Variants in ACAP1 observed in about 807,000 individuals in gnomAD.
ACAP1 encodes the protein ArfGAP with coiled-coil, ankyrin repeat and PH domains 1.
In ACAP1, 45 loss-of-function variants were observed where a neutral mutation model predicts 98.8. The observed-to-expected ratio is 0.46, with a 90% CI of 0.36 to 0.58. The LOEUF (loss-of-function observed/expected upper bound fraction) is 0.58. Ranked by LOEUF, ACAP1 falls within the 20% of genes least tolerant of loss-of-function variation. The pLI is 0.00. For missense variants in ACAP1, 735 were observed against 971.4 expected, an observed-to-expected ratio of 0.76 and a Z score of 3.24; for synonymous variants, 362 against 375.3, an observed-to-expected ratio of 0.96 and a Z score of 0.41.
At chr17:7,337,136 C>G (rs1200068847) in intron 1 of ACAP1, 176 bp from the exon 2 acceptor site, 1 of 695,926 alleles carries the variant, frequency 1.4e-6, no homozygotes, top group Non-Finnish European at 2.6e-6. Flanking sequence ...CTGGCCTGGG[C>G]TGTGGTAGCT....
chr17:7,338,522 C>G (rs1015278499), intron 2 of ACAP1, among the ~76,000 whole-genome samples: 1 of 152,066 alleles, frequency 6.6e-6, no homozygotes, highest in Non-Finnish European at 1.5e-5. Context: ...CGCAGCCTCC[C>G]AAAGTGCTGG....
Position 7,350,385 on chromosome 17 carries a change from C to T in ACAP1, c.2072+148C>T, listed in dbSNP as rs1234700491. On this transcript the variant is annotated intron_variant, in intron 20 of 21. Transcript: ENST00000158762. The surrounding 1 kb of genome is among the most constrained non-coding windows in gnomAD (Gnocchi z 4.6). ...GGGCTGGGCCAGCGCCGGGGCCAGG[C>T]TCGAGAAAGGCTGCGCGAAGTGTGC... The T allele has an allele frequency of 1.3e-5, 9 of 667,020 alleles. No individual in the cohort carries two copies. Among genetic ancestry groups the T allele is most frequent in the Non-Finnish European group, 2.3e-5 (9 of 397,180 alleles). 41.3% of individuals were successfully genotyped at this position (667,020 alleles called of 1,614,324 possible).
At position 7,350,307 on chromosome 17, in the gene ACAP1, G is replaced by A; in HGVS notation, c.2072+70G>A. 1 of 1,267,994 alleles carries A rather than the reference G, an allele frequency of 7.9e-7. No individual in the cohort carries two copies. Among genetic ancestry groups the A allele is most frequent in the Non-Finnish European group, 1.1e-6 (1 of 902,008 alleles). The allele number at this position is 1,267,994 out of a possible 1,614,324, so 78.5% of individuals were successfully genotyped here. On this transcript the variant is annotated intron_variant, in intron 20 of 21. Transcript: ENST00000158762. The surrounding 1 kb of genome is among the most constrained non-coding windows in gnomAD (Gnocchi z 4.6). ...ACCCCCGCCCACCCACGTTCGGGCG[G>A]GCGGGCGGGGCTGACGCCGAAACAG... is the stretch of plus-strand genomic sequence containing the variant.
intron 18 of ACAP1, 64 bp downstream of exon 18, chr17:7,349,231 C>A (rs2073378648): frequency 6.4e-7 from 1 of 1,569,836 alleles, no homozygotes; most frequent in African/African-American, 1.4e-5. Context: ...TGACTCTGGG[C>A]CCTGCCCTTA....
chr17:7,348,291 T>C lies in ACAP1; in HGVS notation c.1509-15T>C. The C allele has an allele frequency of 3.8e-6, 6 of 1,593,536 alleles. No homozygotes were observed. The highest frequency in any genetic ancestry group is 5.1e-6 in the Non-Finnish European group (6 of 1,168,096). On this transcript the variant is annotated splice_polypyrimidine_tract_variant and intron_variant, in intron 16 of 21. Coordinates refer to ENST00000158762, the MANE Select transcript of ACAP1 (RefSeq NM_014716.4). ...AGCAGAAGAGGGAAGACTGCGTGCTTCTCCCCTCCCACAGGCAGGAGAAGG... is the reference window on the plus strand; with the variant it reads ...AGCAGAAGAGGGAAGACTGCGTGCTCCTCCCCTCCCACAGGCAGGAGAAGG...
intron 5 of ACAP1, chr17:7,342,862 C>T (rs1415401646): frequency 3.2e-5 from 8 of 253,726 alleles, no homozygotes; most frequent in Non-Finnish European, 5.3e-5. Flanking sequence ...GAGCCAAGAT[C>T]GCACTACTTC....
chr17:7,341,468 C>T (rs1052196178), intron 2 of ACAP1, among the ~76,000 whole-genome samples: 1 of 152,240 alleles, frequency 6.6e-6, no homozygotes, highest in Non-Finnish European at 1.5e-5. Context: ...TCTTGAATTC[C>T]TGAGCTCAAG....
chr17:7,348,672 G>A (rs1217248172), intron 17 of ACAP1, 197 bp downstream of exon 17: 3 of 648,482 alleles, frequency 4.6e-6, no homozygotes, highest in South Asian at 2.6e-5. Flanking sequence ...TGGGCAGGGA[G>A]GGTAAGGGGT....
rs916970760 is a variant in ACAP1, at chr17:7,349,004, C to T, written c.1688C>T (p.Ser563Phe). The change falls in exon 18 of 22, where the codon TCT becomes TTT. Residue 563 changes from serine (S) to phenylalanine (F), a missense_variant. Physicochemically the swap from Ser to Phe is radical, Grantham distance 155 (BLOSUM62 -2). This residue lies in a region of ACAP1 where 80 missense variants were observed against 64.4 expected (regional missense o/e 1.24). Transcript: ENST00000158762. ...GSLRSKPEPP[S>F]EDLGSLHPGA... ...CAAATCCCCCGAACAGAGCCCCCCT[C>T]TGAGGACCTGGGAAGCCTGCACCCT... 18 of 1,613,080 alleles carry T rather than the reference C, an allele frequency of 1.1e-5. No individual in the cohort carries two copies. Among genetic ancestry groups the T allele is most frequent in the Non-Finnish European group, 1.4e-5 (17 of 1,179,908 alleles).
intron 2 of ACAP1, among the ~76,000 whole-genome samples, 161 bp downstream of exon 2, chr17:7,337,530 C>T (rs1263853988): frequency 2.0e-5 from 3 of 152,028 alleles, no homozygotes; most frequent in East Asian, 3.9e-4. Flanking sequence ...GGTTCTGTAC[C>T]GACAAGAAGC....
chr17:7,342,014 G>T lies in ACAP1; in HGVS notation c.178G>T (p.Val60Phe), dbSNP rs368424729. ...RHYLAASRAF[V>F]VGICDLARLG... ...TTACCTTGCTGCCAGCCGCGCCTTC[G>T]TTGTCGGCATTTGTGACCTGGCCCG... Residue 60 changes from valine (V) to phenylalanine (F), a missense_variant, in exon 3 of 22, where the codon GTT becomes TTT. Physicochemically the swap from Val to Phe is conservative, Grantham distance 50 (BLOSUM62 -1). Around this residue, in one of 5 missense-constraint regions of ACAP1, gnomAD observed 430 missense variants for 531.8 expected, o/e 0.81. Coordinates refer to ENST00000158762, the MANE Select transcript of ACAP1 (RefSeq NM_014716.4). 1 of 1,614,082 alleles carries T rather than the reference G, an allele frequency of 6.2e-7. No homozygotes were observed. The highest frequency in any genetic ancestry group is 1.7e-5 in the Admixed American group (1 of 60,022).
At position 7,350,098 on chromosome 17, in the gene ACAP1, G is replaced by A. The variant is rs199674115; in HGVS notation, c.1962-29G>A. ...GGAGGAAGGCTGGGAGAAGTTGGGCGGCCGGCTGACCCTGGCTCTTCTCTC... is the reference window on the plus strand; with the variant it reads ...GGAGGAAGGCTGGGAGAAGTTGGGCAGCCGGCTGACCCTGGCTCTTCTCTC... On this transcript the variant is annotated intron_variant, in intron 19 of 21. Transcript: ENST00000158762. The surrounding 1 kb of genome is among the most constrained non-coding windows in gnomAD (Gnocchi z 4.6). 5 of 1,613,270 alleles carry A rather than the reference G, an allele frequency of 3.1e-6. No individual in the cohort carries two copies. The highest frequency in any genetic ancestry group is 3.3e-5 in the Admixed American group (2 of 59,960).
intron 14 of ACAP1, chr17:7,347,552 C>T (rs4796303): frequency 0.16 from 79,017 of 502,050 alleles, 7,109 homozygotes; most frequent in Middle Eastern, 0.25. Context: ...GGCAGAGAAA[C>T]GGTCATGAGG....
intron 12 of ACAP1, 81 bp downstream of exon 12, chr17:7,346,572 G>A: frequency 7.6e-7 from 1 of 1,312,260 alleles, no homozygotes. Context: ...CACAATGGAG[G>A]CCCCCCATGC....
At position 7,351,227 on chromosome 17, in the gene ACAP1, C is replaced by T. The variant is rs114949472; in HGVS notation, c.2123-68C>T. On this transcript the variant is annotated intron_variant, in intron 21 of 21. Coordinates refer to ENST00000158762, the MANE Select transcript of ACAP1 (RefSeq NM_014716.4). ...GGAGCGCGAGGTCCCCAGGTGGGCCCCAACCGCCGGATCCTGCCCTTCTGC... is the reference window on the plus strand; with the variant it reads ...GGAGCGCGAGGTCCCCAGGTGGGCCTCAACCGCCGGATCCTGCCCTTCTGC... 6.4e-4 allele frequency: 894 copies of T among 1,391,076 alleles called. 4 individuals are homozygous for T. The African/African-American group carries it at 0.012, about 18-fold the overall frequency. The allele number at this position is 1,391,076 out of a possible 1,614,324, so 86.2% of individuals were successfully genotyped here.
At position 7,346,818 on chromosome 17, in the gene ACAP1, C is replaced by T; in HGVS notation, c.1018C>T (p.Leu340Phe). The T allele has an allele frequency of 6.2e-7, 1 of 1,612,748 alleles. No homozygotes were observed. Among genetic ancestry groups the T allele is most frequent in the Non-Finnish European group, 8.5e-7 (1 of 1,178,944 alleles). Residue 340 changes from leucine (L) to phenylalanine (F), a missense_variant, in exon 13 of 22, where the codon CTC becomes TTC. Leu to Phe is a conservative substitution (Grantham distance 22). Coordinates refer to ENST00000158762, the MANE Select transcript of ACAP1 (RefSeq NM_014716.4). The part of the protein sequence containing the change: ...EVVSTSKSCL[L>F]QADSERLLQL... ...CACCCTCCTACCTAGGTCCTGCCTC[C>T]TCCAGGCTGACTCAGAGCGCCTCCT...
rs757469582 is a variant in ACAP1 at position 7,343,097 on chromosome 17, C to A, written c.345-282C>A. On this transcript the variant is annotated intron_variant, in intron 5 of 21. Transcript: ENST00000158762. This position sits in a 1 kb window ranked among gnomAD's most constrained non-coding sequence, Gnocchi z 4.9. Reference sequence around the variant, plus strand: ...CCGGTCTCAAAAACAAAAACAACAACAACAACAAAAATTTTTTAAAGGGGG... The same window carrying A: ...CCGGTCTCAAAAACAAAAACAACAAAAACAACAAAAATTTTTTAAAGGGGG... The A allele has an allele frequency of 8.6e-5, 31 of 361,164 alleles. No homozygotes were observed. Among genetic ancestry groups the A allele is most frequent in the Admixed American group, 2.6e-4 (6 of 23,238 alleles). 22.4% of individuals were successfully genotyped at this position (361,164 alleles called of 1,614,324 possible). A position where few individuals can be genotyped will look rare whatever the true frequency, so the allele number is the denominator to read the frequency against.
rs2073370019 is a variant in ACAP1, at chr17:7,348,503, G to A, written c.1678+28G>A. ...ATAGGGTTGGTTGGGCATTCATTGA[G>A]CATCTGCTGTGTGCTCGGCATCGTG... On this transcript the variant is annotated intron_variant, in intron 17 of 21. Transcript: ENST00000158762. 9 of 1,454,398 alleles carry A rather than the reference G, an allele frequency of 6.2e-6. No individual in the cohort carries two copies. The South Asian group carries it at 1.0e-4, about 17-fold the overall frequency. 90.1% of individuals were successfully genotyped at this position (1,454,398 alleles called of 1,614,324 possible).
chr17:7,340,298 A>G (rs2143016137), intron 2 of ACAP1, among the ~76,000 whole-genome samples: 1 of 152,276 alleles, frequency 6.6e-6, no homozygotes, highest in African/African-American at 2.4e-5. Flanking sequence ...TAAAAGATGA[A>G]TGCTCTTGAA....
Sources: allele counts gnomAD v4.1 joint callset (sites outside exome capture counted in the v4.1 genomes callset), GRCh38; gene constraint gnomAD v4.1.1; regional missense constraint gnomAD v4.1.1; non-coding constraint Gnocchi (gnomAD v3.1); transcripts MANE v1.5; gene names NCBI Gene and HGNC (gene_info 2026-07-23, HGNC 2026-07-21).